The following ABCC6 variants were observed in gnomAD, a reference collection of about 807,000 sequenced individuals.
ABCC6 encodes the protein ATP binding cassette subfamily C member 6, also known as ATP-binding cassette sub-family C member 6.
Under a neutral mutation model 169.5 loss-of-function variants are expected in ABCC6, and 126 were observed. That is an observed-to-expected ratio of 0.74 (90% CI 0.64 to 0.86). The LOEUF (loss-of-function observed/expected upper bound fraction) is 0.86. Among genes scored for constraint, ABCC6 ranks in the 40% least tolerant of loss-of-function variants. The probability of loss-of-function intolerance (pLI) is 0.00; values close to 1 mark genes in which losing one functional copy is unlikely to be tolerated. For missense variants in ABCC6, 1,733 were observed against 1,927.2 expected (o/e 0.90, Z 1.89); for synonymous variants, 752 against 814.7 (o/e 0.92, Z 1.31).
chr16:16,182,413 T>G lies in ABCC6; in HGVS notation c.2246A>C (p.Gln749Pro). 1 of 1,613,770 alleles carries G rather than the reference T, an allele frequency of 6.2e-7. No homozygotes were observed. Among genetic ancestry groups the G allele is most frequent in the Non-Finnish European group, 8.5e-7 (1 of 1,180,014 alleles). Residue 749 changes from glutamine to proline, a missense_variant and splice_region_variant, in exon 17 of 31, where the codon CAG (glutamine) becomes CCG (proline). Gln to Pro is a moderately conservative substitution (Grantham distance 76, BLOSUM62 -1). Around this residue, in one of 5 missense-constraint regions of ABCC6, gnomAD observed 1,601 missense variants for 1,635.5 expected, o/e 0.98. Transcript: ENST00000205557. ...PEGIHTSIGE[Q>P]GMNLSGGQKQ... ...CCAAAAAGACCCCCAAACTCTCACC[T>G]GCTCCCCAATTGAAGTGTGGATTCC...
intron 2 of ABCC6, 28 bp downstream of exon 2, chr16:16,221,621 G>C: frequency 6.2e-7 from 1 of 1,612,850 alleles, no homozygotes; most frequent in Non-Finnish European, 8.5e-7. Flanking sequence ...ACATTGCCTG[G>C]TTCCAGGCTC....
At position 16,169,756 on chromosome 16, in the gene ABCC6, AAGG is replaced by A. The variant is rs759512269; in HGVS notation, c.2882_2884del (p.Ser961del). The A allele has an allele frequency of 6.2e-7, 1 of 1,603,582 alleles. No homozygotes were observed. Among genetic ancestry groups the A allele is most frequent in the Non-Finnish European group, 8.5e-7 (1 of 1,175,572 alleles). On this transcript the variant is annotated inframe_deletion, in exon 22 of 31. Transcript: ENST00000205557. ...CAGGCTCAGCCAGTAGCCCCGGCAG[AAGG>A]AGGCCACTTGCTGGCAGAGGAAGAG...
intron 13 of ABCC6, among the ~76,000 whole-genome samples, chr16:16,188,554 G>A (rs1049362626): frequency 6.6e-6 from 1 of 152,204 alleles, no homozygotes; most frequent in African/African-American, 2.4e-5. Context: ...CTTGTATGTG[G>A]AATTGCTGGG....
intron 10 of ABCC6, among the ~76,000 whole-genome samples, chr16:16,196,804 C>T (rs560792150): frequency 1.3e-5 from 2 of 152,254 alleles, no homozygotes; most frequent in South Asian, 2.1e-4. Context: ...AAGGCTCAAG[C>T]GATTCTCCTG....
chr16:16,154,263 C>CAAAA lies in ABCC6; in HGVS notation c.4208+361_4208+364dup, dbSNP rs569078423. Among the ~76,000 whole-genome samples the CAAAA allele has an allele frequency of 2.3e-3, 334 of 146,180 alleles. 2 individuals are homozygous for CAAAA. The highest frequency in any genetic ancestry group is 7.2e-3 in the African/African-American group (290 of 40,136). The stretch of plus-strand genomic sequence containing the variant: ...TGCCCAGTCCACACTTGACATTTAC[C>CAAAA]AAAAAAAAAAATCCTATATTATAGT... On this transcript the variant is annotated intron_variant, in intron 29 of 30. Transcript: ENST00000205557.
chr16:16,185,250 G>A lies in ABCC6; in HGVS notation c.1868-216C>T, dbSNP rs572681822. Among the ~76,000 whole-genome samples the A allele has an allele frequency of 4.6e-5, 7 of 152,352 alleles. No individual in the cohort carries two copies. In the East Asian group the frequency reaches 1.2e-3, roughly 25 times the overall value. On this transcript the variant is annotated intron_variant, in intron 14 of 30. Transcript: ENST00000205557. ...GTCCCATGGCTACATAATCCAGGGG[G>A]AGGCAAACTGTGGCCCAGAGACCAA...
chr16:16,194,923 A>C (rs1211378018), intron 10 of ABCC6, among the ~76,000 whole-genome samples: 1 of 151,692 alleles, frequency 6.6e-6, no homozygotes, highest in East Asian at 1.9e-4. Context: ...CAAGTGATCC[A>C]CCCACCTCAG....
chr16:16,207,653 C>T (rs2048435643), intron 7 of ABCC6, among the ~76,000 whole-genome samples: 1 of 152,214 alleles, frequency 6.6e-6, no homozygotes, highest in Non-Finnish European at 1.5e-5. Flanking sequence ...GAGCTAACTT[C>T]CTTTTTTGTT....
At chr16:16,198,405 T>C (rs959963204) in intron 9 of ABCC6, among the ~76,000 whole-genome samples, 1 of 152,158 alleles carries the variant, frequency 6.6e-6, no homozygotes, top group Admixed American at 6.5e-5. Flanking sequence ...ATGAATAACA[T>C]GCACGAAAAC....
chr16:16,183,316 G>A (rs1567504336), intron 15 of ABCC6, among the ~76,000 whole-genome samples: 1 of 152,170 alleles, frequency 6.6e-6, no homozygotes, highest in Non-Finnish European at 1.5e-5. Context: ...ACTATAGCCT[G>A]AGGGTTTCAC....
chr16:16,201,876 T>C (rs747472925), intron 9 of ABCC6, 125 bp downstream of exon 9: 33 of 1,041,334 alleles, frequency 3.2e-5, no homozygotes, highest in Non-Finnish European at 4.6e-5. Context: ...GAAGTGAGAA[T>C]GTATGGTGAG....
rs72664220 is a variant in ABCC6 at position 16,157,770 on chromosome 16, A to AG, written c.3774dup (p.Trp1259LeufsTer19). ...AACTCGATCTGCCCGCCCTGAGGCC[A>AG]GGGGGGCTGAGCTGCACATGTGGGC... On this transcript the variant is annotated frameshift_variant, in exon 27 of 31. Coordinates refer to ENST00000205557, the MANE Select transcript of ABCC6 (RefSeq NM_001171.6). LOFTEE classifies it high-confidence loss of function. 2.2e-5 allele frequency: 35 copies of AG among 1,612,876 alleles called. No individual in the cohort carries two copies. Among genetic ancestry groups the AG allele is most frequent in the Non-Finnish European group, 2.7e-5 (32 of 1,179,520 alleles).
intron 21 of ABCC6, among the ~76,000 whole-genome samples, chr16:16,170,721 C>T (rs1452633852): frequency 6.6e-6 from 1 of 151,686 alleles, no homozygotes; most frequent in South Asian, 2.1e-4. Flanking sequence ...AGTTTGAGAC[C>T]AGCCTGGACC....
chr16:16,195,059 G>A (rs1426148854), intron 10 of ABCC6, among the ~76,000 whole-genome samples: 1 of 152,088 alleles, frequency 6.6e-6, no homozygotes, highest in African/African-American at 2.4e-5. Flanking sequence ...CAATGGAGAA[G>A]GGCGCAGAGG....
In ABCC6 at chr16:16,221,844, A is replaced by G; in HGVS notation, c.37-13T>C. 1 of 1,612,854 alleles carries G rather than the reference A, an allele frequency of 6.2e-7. No homozygotes were observed. Among genetic ancestry groups the G allele is most frequent in the Non-Finnish European group, 8.5e-7 (1 of 1,179,730 alleles). Reference sequence around the variant, plus strand: ...TCTGGTTCCAGACCTGAGGGAACACAAAGAGGACCCTTAGGATGGTACAAG... The same window carrying G: ...TCTGGTTCCAGACCTGAGGGAACACGAAGAGGACCCTTAGGATGGTACAAG... On this transcript the variant is annotated splice_polypyrimidine_tract_variant and intron_variant, in intron 1 of 30. Coordinates refer to ENST00000205557, the MANE Select transcript of ABCC6 (RefSeq NM_001171.6).
chr16:16,214,332 G>T lies in ABCC6; in HGVS notation c.592C>A (p.Gln198Lys). The T allele has an allele frequency of 1.3e-6, 2 of 1,550,738 alleles. No homozygotes were observed. Among genetic ancestry groups the T allele is most frequent in the Non-Finnish European group, 1.7e-6 (2 of 1,146,356 alleles). ...GGAACTTGGTGACTTACAGACTGCT[G>T]GGGGTCTTCAGGGAAGAAGGGGGGT... ...DQPPFFPEDP[Q>K]QSNPCPETGA... The change falls in exon 5 of 31, where the codon CAG (glutamine) becomes AAG (lysine). Residue 198 changes from glutamine to lysine, a missense_variant. This residue lies in a region of ABCC6 where 49 missense variants were observed against 85.8 expected (regional missense o/e 0.57). Coordinates refer to ENST00000205557, the MANE Select transcript of ABCC6 (RefSeq NM_001171.6).
chr16:16,211,858 C>G lies in ABCC6; in HGVS notation c.662+327G>C, dbSNP rs986295164. On this transcript the variant is annotated intron_variant, in intron 6 of 30. Coordinates refer to ENST00000205557, the MANE Select transcript of ABCC6 (RefSeq NM_001171.6). ...GACAATTCTAATTACTATTAAGCAC[C>G]CGCTGTGTGCAAGCACTAAGCACTT... Among the ~76,000 whole-genome samples, 5 of 151,784 alleles carry G rather than the reference C, an allele frequency of 3.3e-5. No homozygotes were observed. The South Asian group carries it at 6.2e-4, about 19-fold the overall frequency.
intron 24 of ABCC6, 115 bp downstream of exon 24, chr16:16,162,878 T>C: frequency 7.3e-7 from 1 of 1,363,476 alleles, no homozygotes; most frequent in East Asian, 2.3e-5. Flanking sequence ...GGATCTAGCC[T>C]CAACTATGTC....
At chr16:16,182,736 G>A in intron 16 of ABCC6, 68 bp downstream of exon 16, 1 of 1,462,500 alleles carries the variant, frequency 6.8e-7, no homozygotes, top group South Asian at 1.1e-5. Flanking sequence ...GGGAGGGTGG[G>A]AAGGCAGCGA....
Sources: allele counts gnomAD v4.1 joint callset (sites outside exome capture counted in the v4.1 genomes callset), GRCh38; gene constraint gnomAD v4.1.1; regional missense constraint gnomAD v4.1.1; transcripts MANE v1.5; gene names NCBI Gene and HGNC (gene_info 2026-07-23, HGNC 2026-07-21).